The following TAF3 variants were observed in gnomAD, a reference collection of about 807,000 sequenced individuals.
TAF3 encodes TATA-box binding protein associated factor 3.
In TAF3, 7 loss-of-function variants were observed where a neutral mutation model predicts 80.6. The ratio of observed to expected loss-of-function variants is 0.09; its 90% CI spans 0.05 to 0.16. The LOEUF (loss-of-function observed/expected upper bound fraction) is 0.16. Ranked by LOEUF, TAF3 falls within the 10% of genes least tolerant of loss-of-function variation. The pLI, the probability that TAF3 is intolerant of heterozygous loss-of-function variation, is 1.00. For missense variants in TAF3, 921 were observed against 1,140.2 expected (o/e 0.81, Z 2.77); for synonymous variants, 444 against 446.1 (o/e 1.00, Z 0.06).
intron 2 of TAF3, among the ~76,000 whole-genome samples, chr10:7,961,980 G>T (rs966201460): frequency 1.3e-5 from 2 of 152,052 alleles, no homozygotes; most frequent in Non-Finnish European, 2.9e-5. Context: ...CTCCCAGGTA[G>T]CTGGGACTAC....
In TAF3 at chr10:7,818,868, T is replaced by C; in HGVS notation, c.159T>C (p.Ser53=). 1 of 1,485,308 alleles carries C rather than the reference T, an allele frequency of 6.7e-7. No individual in the cohort carries two copies. The highest frequency in any genetic ancestry group is 1.5e-5 in the African/African-American group (1 of 68,428). The allele number at this position is 1,485,308 out of a possible 1,614,324, so 92.0% of individuals were successfully genotyped here. A position where few individuals can be genotyped will look rare whatever the true frequency, so the allele number is the denominator to read the frequency against. Residue 53 remains serine (S), a synonymous_variant, in exon 1 of 7, where the codon TCT becomes TCC. Coordinates refer to ENST00000344293, the MANE Select transcript of TAF3 (RefSeq NM_031923.4). The stretch of plus-strand genomic sequence containing the variant: ...TGGGCCGGGGCTGCCATCGGTACTC[T>C]GAGCTCTGTGAGTACCGGGCTGGGT... ...QQLGRGCHRY[S]ELYGRTDPIL...
intron 4 of TAF3, 139 bp from the exon 5 acceptor site, chr10:8,008,939 C>T: frequency 7.9e-7 from 1 of 1,258,512 alleles, no homozygotes; most frequent in Non-Finnish European, 1.1e-6. Flanking sequence ...GGGCCTGGAA[C>T]TCAGTTCTTG....
chr10:7,992,122 T>C (rs1019026827), intron 4 of TAF3, among the ~76,000 whole-genome samples: 2 of 152,244 alleles, frequency 1.3e-5, no homozygotes, highest in African/African-American at 2.4e-5. Context: ...TTCATCCATG[T>C]TGAATGTTCA....
rs1294470551 is a variant in TAF3 at position 8,015,564 on chromosome 10, C to T, written c.*813C>T. Reference sequence around the variant, plus strand: ...AAGTAGTTATTTTTTAAATTTTTATCGTGTTTAATTCTGGCTTTCTCTGAA... The same window carrying T: ...AAGTAGTTATTTTTTAAATTTTTATTGTGTTTAATTCTGGCTTTCTCTGAA... On this transcript the variant is annotated 3_prime_UTR_variant, in exon 7 of 7. Transcript: ENST00000344293. 2 of 151,878 alleles carry T rather than the reference C, an allele frequency of 1.3e-5. No homozygotes were observed. Among genetic ancestry groups the T allele is most frequent in the South Asian group, 2.1e-4 (1 of 4,806 alleles). 9.4% of individuals were successfully genotyped at this position (151,878 alleles called of 1,614,324 possible).
chr10:7,989,334 G>A (rs1239824685), intron 4 of TAF3, among the ~76,000 whole-genome samples: 1 of 152,216 alleles, frequency 6.6e-6, no homozygotes, highest in African/African-American at 2.4e-5. Flanking sequence ...CAAGGCAAAT[G>A]GGTGCTGTGT....
chr10:7,997,447 C>T (rs1831900371), intron 4 of TAF3, among the ~76,000 whole-genome samples: 1 of 152,232 alleles, frequency 6.6e-6, no homozygotes, highest in Non-Finnish European at 1.5e-5. Flanking sequence ...AGGCTCTGTG[C>T]AGCTGGGGAG....
intron 2 of TAF3, among the ~76,000 whole-genome samples, chr10:7,946,552 C>T (rs934028160): frequency 2.4e-4 from 36 of 152,150 alleles, no homozygotes; most frequent in African/African-American, 7.0e-4. Flanking sequence ...GGCCAAACCT[C>T]GTCTGTATGA....
intron 2 of TAF3, among the ~76,000 whole-genome samples, chr10:7,920,318 GTGTGTGTGTGTGTA>G (rs1170378577): frequency 8.9e-5 from 3 of 33,824 alleles, no homozygotes; most frequent in African/African-American, 1.1e-4. Context: ...GTGTGTGTGT[GTGTGTGTGTGTGTA>G]TGTGTGTGTG....
At position 7,818,545 on chromosome 10, in the gene TAF3, T is replaced by G. The variant is rs1836653291; in HGVS notation, c.-165T>G. 2 of 654,000 alleles carry G rather than the reference T, an allele frequency of 3.1e-6. No homozygotes were observed. The highest frequency in any genetic ancestry group is 3.9e-5 in the Admixed American group (1 of 25,526). 40.5% of individuals were successfully genotyped at this position (654,000 alleles called of 1,614,324 possible). The stretch of plus-strand genomic sequence containing the variant: ...GAGTCCAAAATGGCGGCTCTCAGGC[T>G]GGCGCGCTCCGTGCTGCTGGGGCTT... On this transcript the variant is annotated 5_prime_UTR_variant, in exon 1 of 7. Coordinates refer to ENST00000344293, the MANE Select transcript of TAF3 (RefSeq NM_031923.4).
At chr10:7,993,880 CTTT>C (rs953356058) in intron 4 of TAF3, among the ~76,000 whole-genome samples, 11 of 104,392 alleles carry the variant, frequency 1.1e-4, no homozygotes, top group Middle Eastern at 5.6e-3. Context: ...AATATACAAT[CTTT>C]TTTTTTTTTT....
intron 2 of TAF3, among the ~76,000 whole-genome samples, chr10:7,833,317 A>G (rs561637590): frequency 3.3e-5 from 5 of 152,346 alleles, no homozygotes; most frequent in South Asian, 2.1e-4. Context: ...AATTCCCACC[A>G]ACAGTGTACA....
intron 2 of TAF3, among the ~76,000 whole-genome samples, chr10:7,866,765 G>A (rs771467617): frequency 6.6e-6 from 1 of 152,150 alleles, no homozygotes; most frequent in Non-Finnish European, 1.5e-5. Flanking sequence ...AATTAGAGGC[G>A]AGTGTTAGGA....
At chr10:7,973,566 C>A (rs995829828) in intron 3 of TAF3, among the ~76,000 whole-genome samples, 1 of 152,192 alleles carries the variant, frequency 6.6e-6, no homozygotes, top group Non-Finnish European at 1.5e-5. Flanking sequence ...AAAATGGTTT[C>A]TCCATATATG....
At chr10:8,010,223 T>C (rs1341775539) in intron 5 of TAF3, among the ~76,000 whole-genome samples, 1 of 152,220 alleles carries the variant, frequency 6.6e-6, no homozygotes, top group Non-Finnish European at 1.5e-5. Flanking sequence ...CATTTCTTCA[T>C]TGCAGTTTTT....
chr10:7,849,899 T>A (rs1351953634), intron 2 of TAF3, among the ~76,000 whole-genome samples: 1 of 152,166 alleles, frequency 6.6e-6, no homozygotes. Context: ...CAGGCTGGTC[T>A]TGAAATCCTG....
At chr10:7,859,671 C>T (rs1312473318) in intron 2 of TAF3, among the ~76,000 whole-genome samples, 3 of 152,176 alleles carry the variant, frequency 2.0e-5, no homozygotes, top group Non-Finnish European at 4.4e-5. Context: ...GTGTTGTATT[C>T]CACTTTTCCG....
At chr10:7,840,644 A>C (rs546730445) in intron 2 of TAF3, among the ~76,000 whole-genome samples, 1 of 152,056 alleles carries the variant, frequency 6.6e-6, no homozygotes, top group Non-Finnish European at 1.5e-5. Flanking sequence ...GAAGACGGGA[A>C]TATCAAGGAG....
At chr10:8,014,616 T>G in intron 6 of TAF3, 21 bp from the exon 7 acceptor site, 1 of 1,602,664 alleles carries the variant, frequency 6.2e-7, no homozygotes, top group Non-Finnish European at 8.5e-7. Context: ...GTTGCTTATC[T>G]GAGCTTGTTT....
At chr10:8,002,870 G>A (rs1202412787) in intron 4 of TAF3, among the ~76,000 whole-genome samples, 1 of 152,124 alleles carries the variant, frequency 6.6e-6, no homozygotes, top group African/African-American at 2.4e-5. Flanking sequence ...ATGTTATTAG[G>A]TACATACAAA....
Sources: allele counts gnomAD v4.1 joint callset (sites outside exome capture counted in the v4.1 genomes callset), GRCh38; gene constraint gnomAD v4.1.1; transcripts MANE v1.5; gene names NCBI Gene and HGNC (gene_info 2026-07-23, HGNC 2026-07-21).